The following FBXO38 variants were observed in gnomAD, a reference collection of about 807,000 sequenced individuals.
FBXO38 encodes F-box protein 38.
A neutral mutation model predicts 131.9 loss-of-function variants in FBXO38; 53 were observed. The observed-to-expected ratio is 0.40, with a 90% CI of 0.32 to 0.51. The LOEUF (loss-of-function observed/expected upper bound fraction) is 0.51. FBXO38 is among the 20% of genes least tolerant of loss of function. The pLI is 0.53. For synonymous variants in FBXO38, 452 were observed against 505.6 expected (o/e 0.89, Z 1.42); for missense variants, 1,076 against 1,475.6 (o/e 0.73, Z 4.44).
At chr5:148,425,262 C>T (rs1581275886) in intron 13 of FBXO38, among the ~76,000 whole-genome samples, 1 of 152,232 alleles carries the variant, frequency 6.6e-6, no homozygotes, top group African/African-American at 2.4e-5. Context: ...GATGCTGTAT[C>T]ATTTTCTATT....
intron 1 of FBXO38, among the ~76,000 whole-genome samples, chr5:148,388,829 A>G (rs1000268847): frequency 2.6e-5 from 4 of 152,108 alleles, no homozygotes; most frequent in Non-Finnish European, 4.4e-5. Context: ...TGGAGTAACA[A>G]TTTTCTCAAG....
chr5:148,414,565 T>A (rs1424126015), intron 10 of FBXO38, among the ~76,000 whole-genome samples: 2 of 152,172 alleles, frequency 1.3e-5, no homozygotes, highest in East Asian at 3.9e-4. Context: ...TATATGTACT[T>A]CTTTGGGCTA....
At chr5:148,420,882 C>T (rs1297810691) in intron 12 of FBXO38, among the ~76,000 whole-genome samples, 4 of 151,984 alleles carry the variant, frequency 2.6e-5, no homozygotes, top group African/African-American at 7.3e-5. Flanking sequence ...GGTCTCAACT[C>T]CTGGGCTCAA....
At chr5:148,440,944 C>T (rs1024362049) in intron 20 of FBXO38, among the ~76,000 whole-genome samples, 180 bp from the exon 21 acceptor site, 8 of 152,130 alleles carry the variant, frequency 5.3e-5, no homozygotes, top group African/African-American at 1.9e-4. Flanking sequence ...ACAATCAGAA[C>T]CAGTGATGAA....
At chr5:148,434,258 A>G (rs1305299039) in intron 17 of FBXO38, 2 of 152,170 alleles carry the variant, frequency 1.3e-5, no homozygotes, top group Non-Finnish European at 2.9e-5. Context: ...CTCGTGTATT[A>G]AATATATTAA....
intron 5 of FBXO38, among the ~76,000 whole-genome samples, chr5:148,402,930 T>C (rs1752244758): frequency 6.6e-6 from 1 of 152,134 alleles, no homozygotes; most frequent in Non-Finnish European, 1.5e-5. Context: ...ATATGTGTTT[T>C]AAGCATTATT....
chr5:148,392,795 A>G (rs1475558658), intron 1 of FBXO38, among the ~76,000 whole-genome samples: 1 of 152,126 alleles, frequency 6.6e-6, no homozygotes, highest in Non-Finnish European at 1.5e-5. Context: ...GCGGTGTCCC[A>G]TAATACAAAT....
At chr5:148,386,154 T>C (rs1319998504) in intron 1 of FBXO38, among the ~76,000 whole-genome samples, 1 of 152,078 alleles carries the variant, frequency 6.6e-6, no homozygotes, top group Non-Finnish European at 1.5e-5. Flanking sequence ...TAAATCCTAA[T>C]TGGTGAAGGT....
chr5:148,398,166 T>C lies in FBXO38; in HGVS notation c.129-833T>C, dbSNP rs544640549. Among the ~76,000 whole-genome samples, 146 of 152,240 alleles carry C rather than the reference T, an allele frequency of 9.6e-4. 1 individual carries two copies. Among genetic ancestry groups the C allele is most frequent in the African/African-American group, 3.3e-3 (139 of 41,556 alleles). On this transcript the variant is annotated intron_variant, in intron 2 of 21. Coordinates refer to ENST00000340253, the MANE Select transcript of FBXO38 (RefSeq NM_205836.3). The stretch of plus-strand genomic sequence containing the variant: ...GAACCAGCTAGTTACCTCTTAAGGT[T>C]GTTGTGAAACAATGAGTAGAATGTG...
At chr5:148,387,146 ACTT>A (rs1757955424) in intron 1 of FBXO38, among the ~76,000 whole-genome samples, 1 of 152,034 alleles carries the variant, frequency 6.6e-6, no homozygotes, top group Non-Finnish European at 1.5e-5. Flanking sequence ...TCACAGTAGA[ACTT>A]CTTTCAAAAT....
chr5:148,426,308 C>T (rs1386966242), intron 14 of FBXO38, among the ~76,000 whole-genome samples: 2 of 152,166 alleles, frequency 1.3e-5, no homozygotes, highest in Non-Finnish European at 2.9e-5. Flanking sequence ...GCAAATTGTG[C>T]AGTCATTTTT....
In FBXO38 at chr5:148,441,140, T is replaced by G; in HGVS notation, c.3291T>G (p.Ala1097=). 6.2e-7 allele frequency: 1 copy of G among 1,613,890 alleles called. No homozygotes were observed. Among genetic ancestry groups the G allele is most frequent in the Non-Finnish European group, 8.5e-7 (1 of 1,179,776 alleles). ...IYTLEGVVDG[A]PYSMISDFPW... is the part of the protein sequence containing the mutation. ...GTCTTTTAGGTGTTGTGGATGGAGC[T>G]CCATATTCCATGATTTCTGACTTCC... The change falls in exon 21 of 22, where the codon GCT becomes GCG. Residue 1097 remains alanine (A), a synonymous_variant. Coordinates refer to ENST00000340253, the MANE Select transcript of FBXO38 (RefSeq NM_205836.3).
chr5:148,409,905 T>C (rs1217196434), intron 8 of FBXO38, among the ~76,000 whole-genome samples: 1 of 152,186 alleles, frequency 6.6e-6, no homozygotes, highest in Non-Finnish European at 1.5e-5. Context: ...GCAACATTAA[T>C]AGCTAGCCTA....
At chr5:148,441,817 A>C in intron 21 of FBXO38, 152 bp from the exon 22 acceptor site, 1 of 535,382 alleles carries the variant, frequency 1.9e-6, no homozygotes, top group South Asian at 3.9e-5. Context: ...AAACATAAGA[A>C]CAAACTGGTG....
chr5:148,428,116 G>A (rs909210207), intron 15 of FBXO38, among the ~76,000 whole-genome samples, 169 bp downstream of exon 15: 2 of 152,106 alleles, frequency 1.3e-5, no homozygotes, highest in African/African-American at 4.8e-5. Flanking sequence ...TTGGAGGGTG[G>A]GTGTGTAAAA....
At position 148,427,240 on chromosome 5, in the gene FBXO38, G is replaced by A; in HGVS notation, c.1946G>A (p.Arg649Gln). 2.5e-6 allele frequency: 4 copies of A among 1,604,146 alleles called. No homozygotes were observed. The highest frequency in any genetic ancestry group is 1.7e-6 in the Non-Finnish European group (2 of 1,175,076). Residue 649 changes from arginine to glutamine, a missense_variant, in exon 15 of 22, where the codon CGA (arginine) becomes CAA (glutamine). By Grantham distance (43) the Arg-to-Gln change is conservative. Around this residue, in one of 8 missense-constraint regions of FBXO38, gnomAD observed 212 missense variants for 221.2 expected, o/e 0.96. Coordinates refer to ENST00000340253, the MANE Select transcript of FBXO38 (RefSeq NM_205836.3). ...AGTGGAAAAGGCAAGACTCCACTTCGAAAGAGGTACAACTCCCATCAGATG... is the reference window on the plus strand; with the variant it reads ...AGTGGAAAAGGCAAGACTCCACTTCAAAAGAGGTACAACTCCCATCAGATG... Reference protein sequence around the residue: ...SVSGKGKTPLRKRYNSHQMGQ... With the variant: ...SVSGKGKTPLQKRYNSHQMGQ...
At chr5:148,430,275 C>CT (rs962969547) in intron 15 of FBXO38, 1 of 151,260 alleles carries the variant, frequency 6.6e-6, no homozygotes, top group African/African-American at 2.4e-5. Context: ...CTGCCTCAGC[C>CT]TCCCCAGTAG....
chr5:148,436,845 C>T (rs941109854), intron 17 of FBXO38, among the ~76,000 whole-genome samples: 4 of 152,222 alleles, frequency 2.6e-5, no homozygotes, highest in Admixed American at 2.6e-4. Context: ...CCTAAAACAT[C>T]TTAAATTACT....
chr5:148,397,157 G>C (rs1189755212), intron 2 of FBXO38, among the ~76,000 whole-genome samples: 1 of 152,118 alleles, frequency 6.6e-6, no homozygotes, highest in Non-Finnish European at 1.5e-5. Flanking sequence ...TGGTGGTGTA[G>C]TAACTACATA....
Sources: allele counts gnomAD v4.1 joint callset (sites outside exome capture counted in the v4.1 genomes callset), GRCh38; gene constraint gnomAD v4.1.1; regional missense constraint gnomAD v4.1.1; transcripts MANE v1.5; gene names NCBI Gene and HGNC (gene_info 2026-07-23, HGNC 2026-07-21).